The following ASPHD2 variants were observed in gnomAD, a reference collection of about 807,000 sequenced individuals.
ASPHD2 encodes the protein aspartate beta-hydroxylase domain containing 2.
A neutral mutation model predicts 34.6 loss-of-function variants in ASPHD2; 12 were observed. The observed-to-expected ratio is 0.35, with a 90% CI of 0.22 to 0.56. The LOEUF is 0.56. Ranked by LOEUF, ASPHD2 falls within the 20% of genes least tolerant of loss-of-function variation. The probability of loss-of-function intolerance (pLI) is 0.87; values close to 1 mark genes in which losing one functional copy is unlikely to be tolerated. For missense variants in ASPHD2, 375 were observed against 505.0 expected, an observed-to-expected ratio of 0.74 and a Z score of 2.47; for synonymous variants, 224 against 212.2, an observed-to-expected ratio of 1.06 and a Z score of -0.48.
intron 1 of ASPHD2, among the ~76,000 whole-genome samples, chr22:26,432,582 G>C (rs960473927): frequency 1.3e-5 from 2 of 152,234 alleles, no homozygotes; most frequent in African/African-American, 4.8e-5. Context: ...TCCGGGCTCT[G>C]TCCCTAACCC....
At chr22:26,438,694 C>G (rs112686437) in intron 2 of ASPHD2, among the ~76,000 whole-genome samples, 1 of 137,828 alleles carries the variant, frequency 7.3e-6, no homozygotes, top group South Asian at 2.3e-4. Context: ...CACACACACA[C>G]ATATATATAT....
At chr22:26,438,460 T>TAC (rs1207243453) in intron 2 of ASPHD2, among the ~76,000 whole-genome samples, 75 of 82,932 alleles carry the variant, frequency 9.0e-4, no homozygotes, top group Admixed American at 2.3e-3. Context: ...TACATATATA[T>TAC]ACACACACAC....
In ASPHD2 at chr22:26,429,986, C is replaced by T. The variant is rs1006275735; in HGVS notation, c.-225+500C>T. Among the ~76,000 whole-genome samples, 1 of 152,228 alleles carries T rather than the reference C, an allele frequency of 6.6e-6. No homozygotes were observed. The highest frequency in any genetic ancestry group is 1.5e-5 in the Non-Finnish European group (1 of 68,030). ...TTTCCATCGTCCCATCCCCCTCCTCCCCTGACCTCCTGGTGGTCACCATCT... is the reference window on the plus strand; with the variant it reads ...TTTCCATCGTCCCATCCCCCTCCTCTCCTGACCTCCTGGTGGTCACCATCT... On this transcript the variant is annotated intron_variant, in intron 1 of 3. Coordinates refer to ENST00000215906, the MANE Select transcript of ASPHD2 (RefSeq NM_020437.5). This position sits in a 1 kb window ranked among gnomAD's most constrained non-coding sequence, Gnocchi z 4.5.
Position 26,443,637 on chromosome 22 carries a change from A to AC in ASPHD2, c.*432dup, listed in dbSNP as rs58743145. On this transcript the variant is annotated 3_prime_UTR_variant, in exon 4 of 4. Coordinates refer to ENST00000215906, the MANE Select transcript of ASPHD2 (RefSeq NM_020437.5). The stretch of plus-strand genomic sequence containing the variant: ...GTCATCTTAAAAAAAAAAAAAAAAA[A>AC]CTAAAAACTGCAAACCAGAGAGCTA... 7 of 151,614 alleles carry AC rather than the reference A, an allele frequency of 4.6e-5. No individual in the cohort carries two copies. The highest frequency in any genetic ancestry group is 8.8e-5 in the Non-Finnish European group (6 of 68,076). The allele number at this position is 151,614 out of a possible 1,614,324, so 9.4% of individuals were successfully genotyped here.
chr22:26,436,251 C>T (rs957715670), intron 2 of ASPHD2, among the ~76,000 whole-genome samples: 1 of 152,156 alleles, frequency 6.6e-6, no homozygotes, highest in Non-Finnish European at 1.5e-5. Flanking sequence ...ACAGAGATGA[C>T]GATTCCCACT....
intron 1 of ASPHD2, among the ~76,000 whole-genome samples, chr22:26,431,439 A>C (rs1197367817): frequency 6.6e-6 from 1 of 151,864 alleles, no homozygotes; most frequent in Non-Finnish European, 1.5e-5. Context: ...AAAACAAAAG[A>C]AAACAAAAAA....
chr22:26,433,506 G>A lies in ASPHD2; in HGVS notation c.-110G>A. On this transcript the variant is annotated 5_prime_UTR_variant, in exon 2 of 4. Coordinates refer to ENST00000215906, the MANE Select transcript of ASPHD2 (RefSeq NM_020437.5). This position sits in a 1 kb window ranked among gnomAD's most constrained non-coding sequence, Gnocchi z 5.1. ...CTTTTGCCGGAAAGTGGAGCAGTGGGCACGGCCAACCTTGTCGTTCATCAA... is the reference window on the plus strand; with the variant it reads ...CTTTTGCCGGAAAGTGGAGCAGTGGACACGGCCAACCTTGTCGTTCATCAA... 2.5e-6 allele frequency: 2 copies of A among 809,722 alleles called. No homozygotes were observed. The highest frequency in any genetic ancestry group is 2.7e-5 in the East Asian group (1 of 37,246). The allele number at this position is 809,722 out of a possible 1,614,324, so 50.2% of individuals were successfully genotyped here.
In ASPHD2 at chr22:26,436,036, G is replaced by A. The variant is rs753977225; in HGVS notation, c.886+1535G>A. The stretch of plus-strand genomic sequence containing the variant: ...GCACGTGACAGCATTTGATGAATGG[G>A]AGCTAGTAGCTATTATCAAGGACTG... On this transcript the variant is annotated intron_variant, in intron 2 of 3. Transcript: ENST00000215906. 3.5e-4 allele frequency among the ~76,000 whole-genome samples: 53 copies of A among 152,220 alleles called. 2 individuals carry two copies. Among genetic ancestry groups the A allele is most frequent in the Non-Finnish European group, 5.9e-4 (40 of 68,038 alleles).
chr22:26,434,138 A>G lies in ASPHD2; in HGVS notation c.523A>G (p.Thr175Ala). ...GGTCTTCTTCCTGCCCGACCTGCCC[A>G]CCACGCCCTATTTCTCCCGGGACGC... ...PEVFFLPDLP[T>A]TPYFSRDAQK... The change falls in exon 2 of 4, where the codon ACC becomes GCC. Residue 175 changes from threonine to alanine, a missense_variant. By Grantham distance (58) the Thr-to-Ala change is moderately conservative. Coordinates refer to ENST00000215906, the MANE Select transcript of ASPHD2 (RefSeq NM_020437.5). 1 of 1,612,150 alleles carries G rather than the reference A, an allele frequency of 6.2e-7. No individual in the cohort carries two copies. The highest frequency in any genetic ancestry group is 8.5e-7 in the Non-Finnish European group (1 of 1,179,166).
In ASPHD2 at chr22:26,429,714, G is replaced by T. The variant is rs1229014928; in HGVS notation, c.-225+228G>T. Among the ~76,000 whole-genome samples, 3 of 152,044 alleles carry T rather than the reference G, an allele frequency of 2.0e-5. No homozygotes were observed. The South Asian group carries it at 6.2e-4, about 31-fold the overall frequency. On this transcript the variant is annotated intron_variant, in intron 1 of 3. Transcript: ENST00000215906. This position sits in a 1 kb window ranked among gnomAD's most constrained non-coding sequence, Gnocchi z 4.5. ...TGCTAAGCGCCGCCGCCTCGGAGCC[G>T]GGCATCACCCTCCCTAGACCTCCTC...
At chr22:26,441,870 C>A (rs564781306) in intron 2 of ASPHD2, among the ~76,000 whole-genome samples, 2 of 152,234 alleles carry the variant, frequency 1.3e-5, no homozygotes, top group East Asian at 1.9e-4. Flanking sequence ...TTCCAGTGAG[C>A]CAGGATCGCG....
intron 1 of ASPHD2, among the ~76,000 whole-genome samples, chr22:26,431,143 A>G (rs1286700411): frequency 6.6e-6 from 1 of 152,208 alleles, no homozygotes; most frequent in Non-Finnish European, 1.5e-5. Context: ...TAGCTCAGTG[A>G]TGGGGGAAAT....
chr22:26,438,632 TACATATATATATACACATAC>T (rs1351704502), intron 2 of ASPHD2, among the ~76,000 whole-genome samples: 2 of 54,312 alleles, frequency 3.7e-5, no homozygotes, highest in Non-Finnish European at 8.8e-5. Context: ...CACATATATA[TACATATATATATACACATAC>T]ATATATATAT....
chr22:26,430,961 C>T (rs2084752509), intron 1 of ASPHD2, among the ~76,000 whole-genome samples: 1 of 152,186 alleles, frequency 6.6e-6, no homozygotes, highest in African/African-American at 2.4e-5. Context: ...GTTTCTCCAT[C>T]ATCCACCCTG....
intron 2 of ASPHD2, among the ~76,000 whole-genome samples, chr22:26,436,420 G>A (rs1436555303): frequency 1.3e-5 from 2 of 152,212 alleles, no homozygotes; most frequent in African/African-American, 2.4e-5. Flanking sequence ...GGCTGCAGAC[G>A]GGGTGCCCTG....
rs2084746121 is a variant in ASPHD2 at position 26,429,837 on chromosome 22, A to G, written c.-225+351A>G. ...CCTCCTGTCCCCTCCCCCAGCCCTC[A>G]GCATCACCCACTTCCCATATTTCAC... On this transcript the variant is annotated intron_variant, in intron 1 of 3. Transcript: ENST00000215906. This position sits in a 1 kb window ranked among gnomAD's most constrained non-coding sequence, Gnocchi z 4.5. Among the ~76,000 whole-genome samples the G allele has an allele frequency of 6.7e-6, 1 of 150,324 alleles. No homozygotes were observed. The highest frequency in any genetic ancestry group is 6.6e-5 in the Admixed American group (1 of 15,126).
At chr22:26,435,710 TAAAAGAAAAGAAAAGAAAAG>T (rs139306199) in intron 2 of ASPHD2, among the ~76,000 whole-genome samples, 71,389 of 145,858 alleles carry the variant, frequency 0.49, 17,677 homozygotes, top group African/African-American at 0.53. Context: ...ATCACTGCAC[TAAAAGAAAAGAAAAGAAAAG>T]AAAAGAAAAG....
rs2084767361 is a variant in ASPHD2 at position 26,433,102 on chromosome 22, T to G, written c.-224-290T>G. On this transcript the variant is annotated intron_variant, in intron 1 of 3. Transcript: ENST00000215906. This position sits in a 1 kb window ranked among gnomAD's most constrained non-coding sequence, Gnocchi z 5.1. ...GGCTGTATAACTCTCGTGAGTTATG[T>G]AACTTCTCTGAGCCTCAGTTTTCTC... Among the ~76,000 whole-genome samples the G allele has an allele frequency of 6.6e-6, 1 of 152,228 alleles. No individual in the cohort carries two copies. Among genetic ancestry groups the G allele is most frequent in the South Asian group, 2.1e-4 (1 of 4,834 alleles).
At chr22:26,436,499 C>G (rs1392828739) in intron 2 of ASPHD2, among the ~76,000 whole-genome samples, 1 of 152,066 alleles carries the variant, frequency 6.6e-6, no homozygotes, top group Non-Finnish European at 1.5e-5. Flanking sequence ...AGCGAGGGAG[C>G]GGAATCATCC....
Sources: gnomAD v4.1 joint callset for allele counts (sites outside exome capture counted in the v4.1 genomes callset) on GRCh38, gnomAD v4.1.1 for gene constraint, Gnocchi (gnomAD v3.1) non-coding constraint, MANE v1.5 for transcripts, NCBI Gene and HGNC (gene_info 2026-07-23, HGNC 2026-07-21) for gene names.